The following MRTFB variants were observed in gnomAD, a reference collection of about 807,000 sequenced individuals.
The protein encoded by MRTFB is myocardin-related transcription factor B.
A neutral mutation model predicts 104.2 loss-of-function variants in MRTFB; 29 were observed. The observed-to-expected ratio is 0.28, with a 90% CI of 0.21 to 0.38. MRTFB has a LOEUF of 0.38. Ranked by LOEUF, MRTFB falls within the 10% of genes least tolerant of loss-of-function variation. The pLI is 1.00. For missense variants in MRTFB, 1,270 were observed against 1,341.6 expected (o/e 0.95, Z 0.83); for synonymous variants, 535 against 519.5 (o/e 1.03, Z -0.41).
chr16:14,166,007 G>T (rs1247071745), intron 3 of MRTFB, among the ~76,000 whole-genome samples: 1 of 152,168 alleles, frequency 6.6e-6, no homozygotes, highest in African/African-American at 2.4e-5. Context: ...ATAGTTGAAA[G>T]TAAGAAGTAG....
intron 2 of MRTFB, among the ~76,000 whole-genome samples, chr16:14,135,195 C>T (rs527700645): frequency 4.6e-5 from 7 of 152,138 alleles, no homozygotes; most frequent in Non-Finnish European, 1.0e-4. Flanking sequence ...TTAATGATAC[C>T]ACCAGCCTTT....
intron 3 of MRTFB, chr16:14,186,709 G>A: frequency 1.4e-6 from 2 of 1,394,756 alleles, no homozygotes; most frequent in Non-Finnish European, 1.9e-6. Flanking sequence ...GCTTCCAGCG[G>A]CATGAGTGTA....
chr16:14,218,574 G>A (rs1030582670), intron 7 of MRTFB, among the ~76,000 whole-genome samples: 4 of 151,938 alleles, frequency 2.6e-5, no homozygotes, highest in South Asian at 2.1e-4. Context: ...GATTCCTGGC[G>A]CTTGTACTTC....
chr16:14,203,818 A>G (rs1455092505), intron 3 of MRTFB, among the ~76,000 whole-genome samples: 1 of 151,846 alleles, frequency 6.6e-6, no homozygotes, highest in African/African-American at 2.4e-5. Context: ...AAAAAAAAAA[A>G]AAAAAAAAAA....
At chr16:14,197,729 T>C (rs1299252330) in intron 3 of MRTFB, among the ~76,000 whole-genome samples, 1 of 152,102 alleles carries the variant, frequency 6.6e-6, no homozygotes, top group African/African-American at 2.4e-5. Context: ...AGGCAAAATA[T>C]AGATATCTAG....
At chr16:14,160,487 T>C (rs1250578507) in intron 3 of MRTFB, among the ~76,000 whole-genome samples, 1 of 152,224 alleles carries the variant, frequency 6.6e-6, no homozygotes, top group South Asian at 2.1e-4. Flanking sequence ...ATTTCTCTTA[T>C]GTAAATGTAC....
chr16:14,176,775 T>A (rs902846653), intron 3 of MRTFB, among the ~76,000 whole-genome samples: 3 of 152,240 alleles, frequency 2.0e-5, no homozygotes, highest in African/African-American at 7.2e-5. Context: ...GTAAAACACT[T>A]AACACCATGC....
chr16:14,259,490 C>T (rs564059757), intron 16 of MRTFB, among the ~76,000 whole-genome samples: 6 of 150,574 alleles, frequency 4.0e-5, no homozygotes, highest in Non-Finnish European at 7.4e-5. Flanking sequence ...TGACACCGTG[C>T]CTTGCCCTGC....
At chr16:14,156,491 G>A (rs2038832807) in intron 3 of MRTFB, among the ~76,000 whole-genome samples, 1 of 152,170 alleles carries the variant, frequency 6.6e-6, no homozygotes, top group Non-Finnish European at 1.5e-5. Context: ...TGGTTCTCAT[G>A]GCAAGTAGCT....
At position 14,212,371 on chromosome 16, in the gene MRTFB, G is replaced by T; in HGVS notation, c.238G>T (p.Ala80Ser). ...GIMPPLKSPAAFHEQIKSLER... is the reference protein window; with the variant it reads ...GIMPPLKSPASFHEQIKSLER... ...TCTCACAGCTTTGAAGAGCCCAGCG[G>T]CATTCCATGAACAGATAAAAAGCTT... The change falls in exon 5 of 17, where the codon GCA (alanine) becomes TCA (serine). Residue 80 changes from alanine (A) to serine (S), a missense_variant. This residue lies in a region of MRTFB where 64 missense variants were observed against 152.9 expected (regional missense o/e 0.42). Coordinates refer to ENST00000571589, the MANE Select transcript of MRTFB (RefSeq NM_001308142.2). 1 of 1,613,882 alleles carries T rather than the reference G, an allele frequency of 6.2e-7. No homozygotes were observed. Among genetic ancestry groups the T allele is most frequent in the Non-Finnish European group, 8.5e-7 (1 of 1,179,840 alleles).
chr16:14,218,255 T>C (rs1019001499), intron 7 of MRTFB, among the ~76,000 whole-genome samples: 8 of 152,060 alleles, frequency 5.3e-5, no homozygotes, highest in African/African-American at 1.9e-4. Flanking sequence ...GAGACGGGGT[T>C]TCACCGCGCT....
the MRTFB span, among the ~76,000 whole-genome samples, chr16:14,018,090 A>G: frequency 6.6e-6 from 1 of 152,038 alleles, no homozygotes; most frequent in Non-Finnish European, 1.5e-5. Context: ...ATAAAAACAT[A>G]TATGGAATTT....
At chr16:14,128,911 G>A (rs1313390249) in intron 2 of MRTFB, among the ~76,000 whole-genome samples, 1 of 152,188 alleles carries the variant, frequency 6.6e-6, no homozygotes. Context: ...ATACAGAACA[G>A]TTCCATCACC....
chr16:14,234,242 A>G lies in MRTFB; in HGVS notation c.790A>G (p.Asn264Asp). 1 of 1,614,096 alleles carries G rather than the reference A, an allele frequency of 6.2e-7. No homozygotes were observed. Among genetic ancestry groups the G allele is most frequent in the Non-Finnish European group, 8.5e-7 (1 of 1,180,000 alleles). ...PRPAAPVLPT[N>D]TVSSAKPGPA... ...GCCTGCAGCTCCTGTCCTCCCCACA[A>G]ACACTGTGTCCTCAGCAAAGCCTGG... is the stretch of plus-strand genomic sequence containing the variant. Residue 264 changes from asparagine (N) to aspartate (D), a missense_variant, in exon 9 of 17, where the codon AAC becomes GAC. Physicochemically the swap from Asn to Asp is conservative, Grantham distance 23. Transcript: ENST00000571589.
chr16:14,184,579 T>C (rs527648880), intron 3 of MRTFB, among the ~76,000 whole-genome samples: 11 of 152,118 alleles, frequency 7.2e-5, no homozygotes, highest in African/African-American at 2.6e-4. Flanking sequence ...TCACAAGTCT[T>C]GCAGTAGGAT....
intron 2 of MRTFB, among the ~76,000 whole-genome samples, chr16:14,114,370 G>A (rs1321106619): frequency 1.3e-5 from 2 of 152,090 alleles, no homozygotes; most frequent in Non-Finnish European, 2.9e-5. Context: ...TTTAATACAT[G>A]GAAGGATTAT....
chr16:14,082,572 C>T (rs1171108012), intron 2 of MRTFB, among the ~76,000 whole-genome samples: 1 of 152,058 alleles, frequency 6.6e-6, no homozygotes, highest in Admixed American at 6.6e-5. Context: ...GTTTGAAAAC[C>T]AGAAGTTCGA....
intron 9 of MRTFB, among the ~76,000 whole-genome samples, chr16:14,235,218 T>G (rs186834925): frequency 1.5e-4 from 23 of 152,342 alleles, no homozygotes; most frequent in Admixed American, 1.2e-3. Flanking sequence ...GTCCCTGTCC[T>G]TGACCTTTCT....
intron 3 of MRTFB, among the ~76,000 whole-genome samples, chr16:14,181,990 G>A (rs1371134088): frequency 6.6e-6 from 1 of 152,202 alleles, no homozygotes. Context: ...CATGGAAGCA[G>A]ATTTATCATA....
Sources: allele counts gnomAD v4.1 joint callset (sites outside exome capture counted in the v4.1 genomes callset), GRCh38; gene constraint gnomAD v4.1.1; regional missense constraint gnomAD v4.1.1; transcripts MANE v1.5; gene names NCBI Gene and HGNC (gene_info 2026-07-23, HGNC 2026-07-21).